FAM186A: variants seen among roughly 807,000 people sequenced by gnomAD.
FAM186A encodes protein FAM186A.
In FAM186A, 163 loss-of-function variants were observed where a neutral mutation model predicts 216.8. The observed-to-expected ratio is 0.75, with a 90% CI of 0.66 to 0.86. The LOEUF (loss-of-function observed/expected upper bound fraction) is 0.86, where lower values mean the gene tolerates loss of function less well. Ranked by LOEUF, FAM186A falls within the 40% of genes least tolerant of loss-of-function variation. The pLI is 0.00. For missense variants in FAM186A, 2,184 were observed against 2,746.2 expected (o/e 0.80, Z 4.58); for synonymous variants, 805 against 1,025.3 (o/e 0.79, Z 4.10).
chr12:50,376,148 A>G (rs1943196150), intron 1 of FAM186A, among the ~76,000 whole-genome samples: 1 of 152,176 alleles, frequency 6.6e-6, no homozygotes, highest in Admixed American at 6.6e-5. Flanking sequence ...CCAAAAGCTC[A>G]GAGGTCTGGG....
chr12:50,391,919 C>T (rs1243770261), intron 1 of FAM186A, among the ~76,000 whole-genome samples: 1 of 152,006 alleles, frequency 6.6e-6, no homozygotes, highest in African/African-American at 2.4e-5. Context: ...TAACCCAAAA[C>T]CAGAAACAGC....
chr12:50,328,583 C>T (rs1942626992), intron 7 of FAM186A, among the ~76,000 whole-genome samples: 2 of 152,096 alleles, frequency 1.3e-5, no homozygotes, highest in Non-Finnish European at 1.5e-5. Flanking sequence ...TCTCGGCTCA[C>T]TGCAACCTCT....
chr12:50,391,350 C>T (rs1027550445), intron 1 of FAM186A, among the ~76,000 whole-genome samples: 1 of 151,086 alleles, frequency 6.6e-6, no homozygotes, highest in Admixed American at 6.6e-5. Context: ...CAGAGTCTCG[C>T]TGTCACCCAG....
intron 1 of FAM186A, chr12:50,365,660 C>T (rs557359156): frequency 5.0e-5 from 35 of 693,624 alleles, no homozygotes; most frequent in Non-Finnish European, 8.7e-5. Flanking sequence ...AAATGAAGTT[C>T]AGTCCCTTTG....
intron 1 of FAM186A, among the ~76,000 whole-genome samples, chr12:50,390,389 A>G (rs1197202128): frequency 6.6e-6 from 1 of 152,170 alleles, no homozygotes. Flanking sequence ...AAGTTTGGGA[A>G]TTGACTGATG....
chr12:50,367,018 CA>C (rs1383368073), intron 1 of FAM186A, among the ~76,000 whole-genome samples: 6 of 151,204 alleles, frequency 4.0e-5, no homozygotes, highest in Non-Finnish European at 8.8e-5. Flanking sequence ...GGTCTTAACA[CA>C]AACAAAAAAC....
At chr12:50,371,979 AT>A (rs1943145937) in intron 1 of FAM186A, among the ~76,000 whole-genome samples, 1 of 151,850 alleles carries the variant, frequency 6.6e-6, no homozygotes, top group African/African-American at 2.4e-5. Context: ...TACCCAGTTA[AT>A]TTTGTATTTT....
intron 1 of FAM186A, among the ~76,000 whole-genome samples, chr12:50,395,511 T>C (rs1943404404): frequency 6.6e-6 from 1 of 152,224 alleles, no homozygotes; most frequent in Non-Finnish European, 1.5e-5. Context: ...GGTCTCACTA[T>C]GTTGACCAGG....
At chr12:50,357,775 A>G (rs1942993490) in intron 3 of FAM186A, among the ~76,000 whole-genome samples, 1 of 152,144 alleles carries the variant, frequency 6.6e-6, no homozygotes, top group African/African-American at 2.4e-5. Context: ...TGGAACTTCT[A>G]CCAGAGTGAG....
At chr12:50,330,446 TC>T (rs1942645242) in intron 7 of FAM186A, 126 bp downstream of exon 7, 1 of 929,834 alleles carries the variant, frequency 1.1e-6, no homozygotes, top group African/African-American at 1.7e-5. Flanking sequence ...CTGGTGTGAG[TC>T]TAACCTCATA....
At chr12:50,394,694 G>GGGATTA (rs986572908) in intron 1 of FAM186A, among the ~76,000 whole-genome samples, 1 of 147,500 alleles carries the variant, frequency 6.8e-6, no homozygotes, top group Admixed American at 6.9e-5. Context: ...CCAAAGTGCT[G>GGGATTA]GGATTACAGG....
At chr12:50,378,181 G>A (rs982382686) in intron 1 of FAM186A, among the ~76,000 whole-genome samples, 10 of 149,576 alleles carry the variant, frequency 6.7e-5, no homozygotes, top group African/African-American at 1.7e-4. Flanking sequence ...CCGAGATTGC[G>A]ACATTACACT....
chr12:50,360,727 C>T, intron 3 of FAM186A, 29 bp downstream of exon 3: 2 of 1,487,182 alleles, frequency 1.3e-6, no homozygotes, highest in Non-Finnish European at 1.8e-6. Context: ...TCCATCTACT[C>T]CAACTCCAAA....
At chr12:50,347,041 G>A (rs959252795) in intron 4 of FAM186A, among the ~76,000 whole-genome samples, 9 of 150,172 alleles carry the variant, frequency 6.0e-5, no homozygotes, top group African/African-American at 7.4e-5. Context: ...TCTTGGATAG[G>A]AAGACTCTAT....
In FAM186A at chr12:50,331,913, ACTC is replaced by A. The variant is rs1168439894; in HGVS notation, c.6697-95_6697-93del. ...AGAGCTGGCCCTAGACTAAACTGTG[ACTC>A]CTCCTTTTCCATGGATTTGCAAATC... On this transcript the variant is annotated intron_variant, in intron 5 of 7. Transcript: ENST00000327337. 9.2e-6 allele frequency: 10 copies of A among 1,083,814 alleles called. No individual in the cohort carries two copies. In the Admixed American group the frequency reaches 1.7e-4, roughly 18 times the overall value. The allele number at this position is 1,083,814 out of a possible 1,614,324, so 67.1% of individuals were successfully genotyped here.
rs1942922074 is a variant in FAM186A at position 50,353,069 on chromosome 12, GA to G, written c.3762del (p.Leu1255SerfsTer277). 1 of 1,538,324 alleles carries G rather than the reference GA, an allele frequency of 6.5e-7. No homozygotes were observed. The highest frequency in any genetic ancestry group is 1.4e-5 in the African/African-American group (1 of 71,086). On this transcript the variant is annotated frameshift_variant, in exon 4 of 8. Transcript: ENST00000327337. LOFTEE classifies it high-confidence loss of function. ...AGTTCCTGAACCTGCTTAGGGGTGA[GA>G]GTGATTCCGAGAGCCTGCGCCTGCT... ...TPQQAQALGI[T>X]LTPKQVQELG...
chr12:50,384,578 G>A (rs774002758), intron 1 of FAM186A, among the ~76,000 whole-genome samples: 2 of 152,134 alleles, frequency 1.3e-5, no homozygotes, highest in African/African-American at 4.8e-5. Context: ...AAACAGTGTG[G>A]TACTAGCATA....
rs192104504 is a variant in FAM186A at position 50,328,346 on chromosome 12, C to A, written c.7035-942G>T. Among the ~76,000 whole-genome samples, 10 of 152,168 alleles carry A rather than the reference C, an allele frequency of 6.6e-5. No individual in the cohort carries two copies. In the East Asian group the frequency reaches 1.9e-3, roughly 29 times the overall value. ...CTATGATTGTGCCACTGCACTCTAG[C>A]CTGAATGACAGAGCACGACCACGTC... On this transcript the variant is annotated intron_variant, in intron 7 of 7. Transcript: ENST00000327337.
chr12:50,337,288 TC>T (rs374102766), intron 4 of FAM186A, among the ~76,000 whole-genome samples: 1 of 134,684 alleles, frequency 7.4e-6, no homozygotes, highest in South Asian at 2.6e-4. Flanking sequence ...TAGAGATAAT[TC>T]TTTTTTTTTT....
Sources: allele counts gnomAD v4.1 joint callset (sites outside exome capture counted in the v4.1 genomes callset), GRCh38; gene constraint gnomAD v4.1.1; transcripts MANE v1.5; gene names NCBI Gene and HGNC (gene_info 2026-07-23, HGNC 2026-07-21).